The following TEX9 variants were observed in gnomAD, a reference collection of about 807,000 sequenced individuals.
TEX9 encodes the protein testis-expressed protein 9.
In TEX9, 74 loss-of-function variants were observed where a neutral mutation model predicts 59.6. That is an observed-to-expected ratio of 1.24 (90% CI 1.03 to 1.51). The LOEUF is 1.51. TEX9 is among the 40% of genes most tolerant of loss of function. The pLI is 0.00. For missense variants in TEX9, 522 were observed against 447.8 expected (o/e 1.17, Z -1.49); for synonymous variants, 186 against 152.2 (o/e 1.22, Z -1.64).
chr15:56,295,739 A>G (rs1005820096), intron 1 of TEX9, among the ~76,000 whole-genome samples: 63 of 152,292 alleles, frequency 4.1e-4, no homozygotes, highest in African/African-American at 1.5e-3. Flanking sequence ...CTAAAGCCAC[A>G]GTCTTCTGCT....
intron 2 of TEX9, among the ~76,000 whole-genome samples, chr15:56,369,355 A>AG (rs2047086356): frequency 1.5e-5 from 2 of 134,522 alleles, no homozygotes. Context: ...ATGCCATGCT[A>AG]ATTTTTTTTT....
At chr15:56,333,891 G>A (rs970758242) in intron 1 of TEX9, among the ~76,000 whole-genome samples, 4 of 151,802 alleles carry the variant, frequency 2.6e-5, no homozygotes, top group Non-Finnish European at 4.4e-5. Flanking sequence ...ATCTGAAAAA[G>A]ATATCAAGAA....
At chr15:56,339,507 A>C (rs2046333809) in intron 1 of TEX9, among the ~76,000 whole-genome samples, 1 of 150,598 alleles carries the variant, frequency 6.6e-6, no homozygotes, top group Non-Finnish European at 1.5e-5. Flanking sequence ...CCTGCCTGCT[A>C]GGTATTGAAA....
chr15:56,376,360 A>G (rs1236163824), intron 3 of TEX9, among the ~76,000 whole-genome samples: 2 of 152,148 alleles, frequency 1.3e-5, no homozygotes, highest in Non-Finnish European at 2.9e-5. Context: ...ACTAATTTAC[A>G]TTCCCACCAA....
chr15:56,452,248 A>G, the TEX9 span, among the ~76,000 whole-genome samples: 1 of 152,292 alleles, frequency 6.6e-6, no homozygotes, highest in East Asian at 1.9e-4. Flanking sequence ...AAATTGGCAA[A>G]GGAAAAAGGC....
intron 2 of TEX9, among the ~76,000 whole-genome samples, chr15:56,371,049 G>C (rs1031568482): frequency 6.6e-6 from 1 of 152,170 alleles, no homozygotes; most frequent in East Asian, 1.9e-4. Context: ...TAGAGCCGGG[G>C]TTTCGCTATG....
chr15:56,290,565 C>A (rs1422466526), intron 1 of TEX9, among the ~76,000 whole-genome samples: 1 of 152,126 alleles, frequency 6.6e-6, no homozygotes, highest in Admixed American at 6.5e-5. Context: ...AGTCCTCCCA[C>A]CTCAGCCTCC....
intron 1 of TEX9, among the ~76,000 whole-genome samples, chr15:56,358,429 C>G (rs75683631): frequency 6.6e-6 from 1 of 150,818 alleles, no homozygotes; most frequent in Non-Finnish European, 1.5e-5. Flanking sequence ...AAGAAAATCC[C>G]TTTTAACTTA....
At chr15:56,339,403 A>C (rs1353532123) in intron 1 of TEX9, among the ~76,000 whole-genome samples, 1 of 145,102 alleles carries the variant, frequency 6.9e-6, no homozygotes, top group Admixed American at 6.8e-5. Flanking sequence ...AAAAAAAAAA[A>C]AAAAAAAAAA....
intron 2 of TEX9, among the ~76,000 whole-genome samples, chr15:56,370,020 CAGTA>C (rs1347842248): frequency 1.1e-4 from 16 of 152,198 alleles, no homozygotes; most frequent in African/African-American, 3.9e-4. Flanking sequence ...TGTCATTTAT[CAGTA>C]AGAGCATTCT....
At position 56,351,984 on chromosome 15, in the gene TEX9, C is replaced by A. The variant is rs116091160; in HGVS notation, c.-106-21457C>A. ...AGGCATTTTAGACACTATTATCATC[C>A]CCTTTAGTATTTGAGATTGGGTGGG... On this transcript the variant is annotated intron_variant, in intron 1 of 5. Coordinates refer to the TEX9 transcript ENST00000560827. Among the ~76,000 whole-genome samples the A allele has an allele frequency of 4.5e-3, 683 of 152,156 alleles. 8 individuals are homozygous for A. The highest frequency in any genetic ancestry group is 0.016 in the African/African-American group (651 of 41,518).
chr15:56,360,977 G>A (rs898755252), upstream of TEX9, among the ~76,000 whole-genome samples: 11 of 152,180 alleles, frequency 7.2e-5, no homozygotes, highest in African/African-American at 2.6e-4. Flanking sequence ...TGACTATCCC[G>A]AGGCTTCCCC....
chr15:56,434,283 A>C (rs748248005), intron 12 of TEX9: 3 of 1,613,914 alleles, frequency 1.9e-6, no homozygotes, highest in Non-Finnish European at 2.5e-6. Context: ...AGTTTTTCTA[A>C]AGTTCTCCTC....
the TEX9 span, among the ~76,000 whole-genome samples, chr15:56,452,739 C>T: frequency 1.3e-5 from 2 of 151,972 alleles, no homozygotes; most frequent in Admixed American, 6.6e-5. Flanking sequence ...AGGATGGTCT[C>T]GATCTCCTGA....
intron 1 of TEX9, among the ~76,000 whole-genome samples, chr15:56,317,480 A>G (rs2045803810): frequency 6.6e-6 from 1 of 152,178 alleles, no homozygotes; most frequent in Non-Finnish European, 1.5e-5. Flanking sequence ...ATATCAAAGA[A>G]CCAACTTCTA....
At chr15:56,293,844 C>T (rs923423674) in intron 1 of TEX9, among the ~76,000 whole-genome samples, 7 of 152,224 alleles carry the variant, frequency 4.6e-5, no homozygotes, top group African/African-American at 1.4e-4. Context: ...AGAAGCTCCA[C>T]ATTTGGATCC....
intron 1 of TEX9, among the ~76,000 whole-genome samples, chr15:56,250,773 C>A (rs1053630689): frequency 4.0e-5 from 6 of 151,222 alleles, no homozygotes; most frequent in Non-Finnish European, 5.9e-5. Flanking sequence ...AAAAAAAAAA[C>A]AAAATAATTC....
intron 1 of TEX9, among the ~76,000 whole-genome samples, chr15:56,359,261 A>C (rs1056881477): frequency 5.3e-5 from 8 of 152,174 alleles, no homozygotes; most frequent in African/African-American, 1.2e-4. Flanking sequence ...CATTAAATGT[A>C]ATATATTCAT....
intron 9 of TEX9, among the ~76,000 whole-genome samples, chr15:56,401,294 A>C (rs1030953884): frequency 1.5e-5 from 2 of 129,106 alleles, no homozygotes; most frequent in Non-Finnish European, 1.6e-5. Context: ...AAGACCTACC[A>C]AGCAAATTGA....
Sources: gnomAD v4.1 joint callset for allele counts (sites outside exome capture counted in the v4.1 genomes callset) on GRCh38, gnomAD v4.1.1 for gene constraint, MANE v1.5 for transcripts, NCBI Gene and HGNC (gene_info 2026-07-23, HGNC 2026-07-21) for gene names.